Variants in CFAP221 observed in about 807,000 individuals in gnomAD.
The protein encoded by CFAP221 is cilia and flagella associated protein 221.
CFAP221 carries 97 observed loss-of-function variants against 113.1 expected under a neutral mutation model. That is an observed-to-expected ratio of 0.86 (90% CI 0.73 to 1.02). The LOEUF is 1.02. CFAP221 is among the 50% of genes least tolerant of loss of function. The pLI is 0.00. For synonymous variants in CFAP221, 331 were observed against 354.4 expected (o/e 0.93, Z 0.74); for missense variants, 1,025 against 1,013.4 (o/e 1.01, Z -0.16).
intron 23 of CFAP221, among the ~76,000 whole-genome samples, chr2:119,655,507 C>T (rs533933765): frequency 1.3e-5 from 2 of 152,328 alleles, no homozygotes; most frequent in East Asian, 3.9e-4. Context: ...AAACATGTCA[C>T]CCTCTTTTCA....
intron 14 of CFAP221, 113 bp downstream of exon 14, chr2:119,615,822 A>C (rs2104714166): frequency 1.3e-6 from 1 of 743,200 alleles, no homozygotes; most frequent in Non-Finnish European, 2.1e-6. Flanking sequence ...ACACCATAAA[A>C]TTCACCCTTG....
At position 119,587,167 on chromosome 2, in the gene CFAP221, G is replaced by A. The variant is rs1683282387; in HGVS notation, c.576G>A (p.Glu192=). Residue 192 remains glutamate, a synonymous_variant, in exon 7 of 24, where the codon GAG becomes GAA. Coordinates refer to ENST00000413369, the MANE Select transcript of CFAP221 (RefSeq NM_001271049.2). ...AGTGCAGCTGCCCTGTAGATTTTGAGTTTTATATCACCTTGATTCAGTCTC... is the reference window on the plus strand; with the variant it reads ...AGTGCAGCTGCCCTGTAGATTTTGAATTTTATATCACCTTGATTCAGTCTC... ...PLQCSCPVDF[E]FYITLIQSHQ... is the part of the protein sequence containing the mutation. 1.9e-5 allele frequency: 29 copies of A among 1,532,390 alleles called. No homozygotes were observed. Among genetic ancestry groups the A allele is most frequent in the Non-Finnish European group, 2.4e-5 (28 of 1,145,122 alleles). 94.9% of individuals were successfully genotyped at this position (1,532,390 alleles called of 1,614,324 possible).
intron 3 of CFAP221, chr2:119,557,059 A>C (rs990546252): frequency 6.6e-6 from 1 of 151,996 alleles, no homozygotes; most frequent in Non-Finnish European, 1.5e-5. Context: ...CTTCCTTGGG[A>C]CCATTCAGGA....
rs1558979869 is a variant in CFAP221 at position 119,630,869 on chromosome 2, A to G, written c.1942A>G (p.Met648Val). The G allele has an allele frequency of 1.9e-6, 3 of 1,613,640 alleles. No homozygotes were observed. The East Asian group carries it at 6.7e-5, about 36-fold the overall frequency. Reference sequence around the variant, plus strand: ...CATGAAACCACCTGAGGCCTTAGCCATGTCTCTAGATTATGATCCTCTGTA... The same window carrying G: ...CATGAAACCACCTGAGGCCTTAGCCGTGTCTCTAGATTATGATCCTCTGTA... ...LSMKPPEALA[M>V]SLDYDPLYVF... The change falls in exon 19 of 24, where the codon ATG (methionine) becomes GTG (valine). Residue 648 changes from methionine to valine, a missense_variant. Transcript: ENST00000413369.
chr2:119,653,683 C>T (rs1045920399), intron 23 of CFAP221, among the ~76,000 whole-genome samples: 1 of 152,148 alleles, frequency 6.6e-6, no homozygotes, highest in Non-Finnish European at 1.5e-5. Flanking sequence ...AATTCTAGAT[C>T]AATGCGCATT....
chr2:119,557,038 T>C (rs1680857262), intron 3 of CFAP221: 1 of 152,184 alleles, frequency 6.6e-6, no homozygotes, highest in African/African-American at 2.4e-5. Flanking sequence ...CTTGGGAGTT[T>C]AGGTTCCTGT....
At chr2:119,572,755 T>A in intron 6 of CFAP221, 4 of 551,052 alleles carry the variant, frequency 7.3e-6, no homozygotes, top group Non-Finnish European at 1.3e-5. Context: ...TGGCTGAAGA[T>A]CTGGTAAAAT....
chr2:119,656,500 T>G lies in CFAP221; in HGVS notation c.*30T>G. Reference sequence around the variant, plus strand: ...CACCAGTAGGTCAGTCCCTTCCATTTGCTTTCCGTGGGCCACTGTGGCCCC... The same window carrying G: ...CACCAGTAGGTCAGTCCCTTCCATTGGCTTTCCGTGGGCCACTGTGGCCCC... On this transcript the variant is annotated 3_prime_UTR_variant, in exon 24 of 24. Coordinates refer to ENST00000413369, the MANE Select transcript of CFAP221 (RefSeq NM_001271049.2). 6.5e-7 allele frequency: 1 copy of G among 1,535,546 alleles called. No homozygotes were observed. The highest frequency in any genetic ancestry group is 9.0e-7 in the Non-Finnish European group (1 of 1,109,958).
intron 15 of CFAP221, 133 bp downstream of exon 15, chr2:119,625,821 G>C (rs1686271708): frequency 1.5e-6 from 1 of 678,876 alleles, no homozygotes; most frequent in East Asian, 2.8e-5. Flanking sequence ...TCCTATCCTT[G>C]CTATAACAAA....
At chr2:119,555,191 G>A (rs1228665398) in intron 3 of CFAP221, among the ~76,000 whole-genome samples, 1 of 152,140 alleles carries the variant, frequency 6.6e-6, no homozygotes. Flanking sequence ...GTGGGAAGCG[G>A]TTCTGAAAAA....
At chr2:119,647,692 C>G (rs1687894914) in intron 22 of CFAP221, among the ~76,000 whole-genome samples, 3 of 152,132 alleles carry the variant, frequency 2.0e-5, no homozygotes. Context: ...GTCATTACTT[C>G]CTCTTTTTTA....
chr2:119,649,746 T>C (rs1307490631), intron 22 of CFAP221, among the ~76,000 whole-genome samples: 1 of 152,188 alleles, frequency 6.6e-6, no homozygotes, highest in Non-Finnish European at 1.5e-5. Flanking sequence ...CTTTCTGTTC[T>C]GAGAGGAACA....
intron 3 of CFAP221, among the ~76,000 whole-genome samples, chr2:119,549,520 A>G (rs1467072688): frequency 2.0e-5 from 3 of 152,164 alleles, no homozygotes; most frequent in Admixed American, 6.5e-5. Context: ...CTCTCATTAT[A>G]TATATAGATG....
intron 7 of CFAP221, among the ~76,000 whole-genome samples, chr2:119,600,348 A>C (rs2104659350): frequency 6.6e-6 from 1 of 152,342 alleles, no homozygotes; most frequent in Non-Finnish European, 1.5e-5. Flanking sequence ...CAAATTATAC[A>C]AAGAAAGAAC....
chr2:119,627,541 AT>A, intron 15 of CFAP221, 111 bp from the exon 16 acceptor site: 1 of 813,752 alleles, frequency 1.2e-6, no homozygotes, highest in Non-Finnish European at 1.9e-6. Context: ...ATATATATAT[AT>A]ATACACACCC....
At chr2:119,626,527 A>G (rs1315195841) in intron 15 of CFAP221, among the ~76,000 whole-genome samples, 1 of 152,224 alleles carries the variant, frequency 6.6e-6, no homozygotes, top group Admixed American at 6.5e-5. Context: ...AGACTAGGGT[A>G]GTCATCATTT....
intron 19 of CFAP221, among the ~76,000 whole-genome samples, chr2:119,635,364 A>G (rs1687048808): frequency 1.3e-5 from 2 of 152,198 alleles, no homozygotes; most frequent in South Asian, 4.1e-4. Flanking sequence ...TTCATAGCAG[A>G]TTTATATGTT....
rs189137806 is a variant in CFAP221, at chr2:119,563,024, T to C, written c.527+910T>C. 1.6e-3 allele frequency among the ~76,000 whole-genome samples: 250 copies of C among 152,284 alleles called. 1 individual carries two copies. The highest frequency in any genetic ancestry group is 4.3e-3 in the Admixed American group (65 of 15,290). On this transcript the variant is annotated intron_variant, in intron 6 of 23. Coordinates refer to ENST00000413369, the MANE Select transcript of CFAP221 (RefSeq NM_001271049.2). ...TAGAAGTTAGCCAGGTATGGTGATG[T>C]GTGCCTGTAGTCCCAGCTACTTGGT... is the stretch of plus-strand genomic sequence containing the variant.
downstream of CFAP221, chr2:119,656,757 TGG>T (rs1239674149): frequency 1.4e-5 from 3 of 220,696 alleles, no homozygotes; most frequent in Admixed American, 5.3e-5. Flanking sequence ...CAGCTGTTTC[TGG>T]GGGTCTTTTG....
Sources: gnomAD v4.1 joint callset for allele counts (sites outside exome capture counted in the v4.1 genomes callset) on GRCh38, gnomAD v4.1.1 for gene constraint, MANE v1.5 for transcripts, NCBI Gene and HGNC (gene_info 2026-07-23, HGNC 2026-07-21) for gene names.